Variants in CDH18 observed in about 807,000 individuals in gnomAD.
The protein encoded by CDH18 is cadherin 18.
CDH18 carries 31 observed loss-of-function variants against 67.9 expected under a neutral mutation model. That is an observed-to-expected ratio of 0.46 (90% CI 0.34 to 0.62). The LOEUF (loss-of-function observed/expected upper bound fraction) is 0.62, where lower values mean the gene tolerates loss of function less well. CDH18 is among the 20% of genes least tolerant of loss of function. The pLI is 0.01. For synonymous variants in CDH18, 362 were observed against 347.2 expected (o/e 1.04, Z -0.48); for missense variants, 890 against 975.5 (o/e 0.91, Z 1.17).
intron 1 of CDH18, among the ~76,000 whole-genome samples, chr5:20,369,128 AT>A (rs151161551): frequency 2.9e-4 from 44 of 149,776 alleles, no homozygotes; most frequent in Middle Eastern, 3.5e-3. Flanking sequence ...CGGAAAATTG[AT>A]TTTTTTTTTC....
intron 1 of CDH18, among the ~76,000 whole-genome samples, chr5:20,535,341 C>G (rs1167408981): frequency 6.6e-6 from 1 of 152,036 alleles, no homozygotes; most frequent in East Asian, 1.9e-4. Flanking sequence ...GATCGAGACC[C>G]TTTCAAATTT....
intron 1 of CDH18, among the ~76,000 whole-genome samples, chr5:20,389,747 G>T (rs1744670515): frequency 6.6e-6 from 1 of 152,028 alleles, no homozygotes; most frequent in Non-Finnish European, 1.5e-5. Context: ...ATACTACAAG[G>T]TTACAGTAAA....
intron 1 of CDH18, among the ~76,000 whole-genome samples, chr5:20,333,524 TA>T (rs918627950): frequency 9.7e-6 from 1 of 103,352 alleles, no homozygotes; most frequent in Non-Finnish European, 2.2e-5. Context: ...AAAAACAATA[TA>T]TATACACACA....
At chr5:20,444,188 C>T (rs997935855) in intron 1 of CDH18, among the ~76,000 whole-genome samples, 1 of 149,756 alleles carries the variant, frequency 6.7e-6, no homozygotes, top group Non-Finnish European at 1.5e-5. Flanking sequence ...TTGACCAGGC[C>T]TTTTGGCAAT....
chr5:20,018,989 G>T (rs1482540026), intron 2 of CDH18, among the ~76,000 whole-genome samples: 8 of 145,742 alleles, frequency 5.5e-5, no homozygotes, highest in African/African-American at 2.1e-4. Context: ...AGTAGAGACG[G>T]GGTTTCACCG....
chr5:20,437,543 C>T (rs1749261695), intron 1 of CDH18, among the ~76,000 whole-genome samples: 2 of 150,926 alleles, frequency 1.3e-5, no homozygotes, highest in South Asian at 4.2e-4. Flanking sequence ...TATGAGTAGT[C>T]TCTTGGTTAT....
rs147783168 is a variant in CDH18, at chr5:19,664,185, C to T, written c.644-51584G>A. On this transcript the variant is annotated intron_variant, in intron 5 of 12. Coordinates refer to ENST00000382275, the MANE Select transcript of CDH18 (RefSeq NM_004934.5). ...TCTATTTGACATTCACTCATAGTAG[C>T]CCTTTCAACAATCAGAGAAATTTGT... Among the ~76,000 whole-genome samples, 195 of 151,862 alleles carry T rather than the reference C, an allele frequency of 1.3e-3. 1 individual carries two copies. The highest frequency in any genetic ancestry group is 4.6e-3 in the African/African-American group (189 of 41,484).
intron 9 of CDH18, among the ~76,000 whole-genome samples, chr5:19,534,511 G>A (rs1251404250): frequency 6.6e-6 from 1 of 152,038 alleles, no homozygotes; most frequent in Non-Finnish European, 1.5e-5. Context: ...AAAAATCAGG[G>A]AGAATTGGAG....
Position 20,570,334 on chromosome 5 carries a change from G to T in CDH18, c.-580+5128C>A, listed in dbSNP as rs1758742524. 2.6e-5 allele frequency among the ~76,000 whole-genome samples: 4 copies of T among 151,890 alleles called. No homozygotes were observed. In the South Asian group the frequency reaches 8.3e-4, roughly 32 times the overall value. On this transcript the variant is annotated intron_variant, in intron 1 of 14. Transcript: ENST00000507958. ...TTTTTTGTAAAGCTGAAACTGATTG[G>T]AAAATAAAGTCTGTTCATTAAAAAA... is the stretch of plus-strand genomic sequence containing the variant.
chr5:20,142,978 A>AT (rs975169405), intron 2 of CDH18, among the ~76,000 whole-genome samples: 2 of 152,156 alleles, frequency 1.3e-5, no homozygotes, highest in African/African-American at 4.8e-5. Context: ...AATACTGAAA[A>AT]ATATAGAGGT....
In CDH18 at chr5:19,880,616, G is replaced by T. The variant is rs529129413; in HGVS notation, c.-256-41374C>A. Among the ~76,000 whole-genome samples the T allele has an allele frequency of 4.6e-5, 7 of 152,088 alleles. No individual in the cohort carries two copies. In the South Asian group the frequency reaches 1.5e-3, roughly 32 times the overall value. The stretch of plus-strand genomic sequence containing the variant: ...GTGAAAAATGTCAAGAGATCAATTT[G>T]GTGTAATCATTGCTCTGGACTTAAG... On this transcript the variant is annotated intron_variant, in intron 2 of 12. Coordinates refer to ENST00000382275, the MANE Select transcript of CDH18 (RefSeq NM_004934.5).
chr5:20,176,249 G>A (rs1282804145), intron 2 of CDH18, among the ~76,000 whole-genome samples: 1 of 152,152 alleles, frequency 6.6e-6, no homozygotes, highest in East Asian at 1.9e-4. Flanking sequence ...AAGTCACCAG[G>A]TGTTGAGGAT....
At chr5:19,701,591 C>T (rs978223825) in intron 5 of CDH18, among the ~76,000 whole-genome samples, 4 of 152,030 alleles carry the variant, frequency 2.6e-5, no homozygotes, top group African/African-American at 9.7e-5. Context: ...CTGGTTCCCC[C>T]GAAGTCCTGT....
chr5:19,900,176 G>A (rs1276435617), intron 2 of CDH18, among the ~76,000 whole-genome samples: 1 of 152,030 alleles, frequency 6.6e-6, no homozygotes, highest in Non-Finnish European at 1.5e-5. Context: ...ACTCAAATGT[G>A]AAACTGAAAA....
At chr5:20,022,282 G>C (rs1370372458) in intron 2 of CDH18, among the ~76,000 whole-genome samples, 1 of 152,136 alleles carries the variant, frequency 6.6e-6, no homozygotes, top group Non-Finnish European at 1.5e-5. Context: ...TCATCCAATG[G>C]AAATAATAAG....
chr5:19,927,367 A>T (rs988121264), intron 2 of CDH18, among the ~76,000 whole-genome samples: 9 of 152,044 alleles, frequency 5.9e-5, no homozygotes, highest in Non-Finnish European at 1.3e-4. Context: ...GGTAGTTTTG[A>T]CTCTTGCCCT....
chr5:19,490,978 G>T (rs940182989), intron 11 of CDH18, among the ~76,000 whole-genome samples: 1 of 152,068 alleles, frequency 6.6e-6, no homozygotes, highest in Non-Finnish European at 1.5e-5. Context: ...TAAAGCAATA[G>T]AGCCACTAAA....
chr5:20,286,391 T>C (rs1396357), intron 1 of CDH18, among the ~76,000 whole-genome samples: 48,065 of 151,350 alleles, frequency 0.32, 7,991 homozygotes, highest in South Asian at 0.4. Flanking sequence ...GTTTGCTGTA[T>C]TGAAAATACT....
At chr5:19,582,317 A>G (rs564476474) in intron 7 of CDH18, among the ~76,000 whole-genome samples, 2 of 152,036 alleles carry the variant, frequency 1.3e-5, no homozygotes, top group Non-Finnish European at 2.9e-5. Flanking sequence ...TAATTCATCA[A>G]GATGTTTCGT....
Sources: allele counts gnomAD v4.1 joint callset (sites outside exome capture counted in the v4.1 genomes callset), GRCh38; gene constraint gnomAD v4.1.1; transcripts MANE v1.5; gene names NCBI Gene and HGNC (gene_info 2026-07-23, HGNC 2026-07-21).